UNC5D: variants seen among roughly 807,000 people sequenced by gnomAD.
UNC5D encodes netrin receptor UNC5D.
UNC5D carries 39 observed loss-of-function variants against 105.4 expected under a neutral mutation model. The ratio of observed to expected loss-of-function variants is 0.37; its 90% CI spans 0.29 to 0.48. UNC5D has a LOEUF of 0.48. Among genes scored for constraint, UNC5D ranks in the 20% least tolerant of loss-of-function variants. UNC5D has a pLI of 0.98. For synonymous variants in UNC5D, 452 were observed against 450.4 expected (o/e 1.00, Z -0.04); for missense variants, 991 against 1,202.4 (o/e 0.82, Z 2.60).
At chr8:35,498,622 AT>A (rs1811770299) in intron 1 of UNC5D, among the ~76,000 whole-genome samples, 1 of 151,986 alleles carries the variant, frequency 6.6e-6, no homozygotes, top group Non-Finnish European at 1.5e-5. Context: ...ATATGGGTAG[AT>A]TTATGTTGGT....
At chr8:35,444,958 C>A (rs917359389) in intron 1 of UNC5D, among the ~76,000 whole-genome samples, 2 of 152,024 alleles carry the variant, frequency 1.3e-5, no homozygotes, top group African/African-American at 4.8e-5. Context: ...TGTTTACTTT[C>A]AAAGTGTCTC....
chr8:35,489,174 ATTG>A (rs1432137378), intron 1 of UNC5D, among the ~76,000 whole-genome samples: 1 of 151,946 alleles, frequency 6.6e-6, no homozygotes, highest in Non-Finnish European at 1.5e-5. Flanking sequence ...ATCCCGGCTA[ATTG>A]TTGTATTTTT....
At chr8:35,319,415 G>T (rs749401446) in intron 1 of UNC5D, among the ~76,000 whole-genome samples, 1 of 152,088 alleles carries the variant, frequency 6.6e-6, no homozygotes, top group Non-Finnish European at 1.5e-5. Context: ...GCAGAAGGCT[G>T]TCTGAATCCT....
chr8:35,591,642 C>G (rs947389572), intron 3 of UNC5D, among the ~76,000 whole-genome samples: 3 of 152,068 alleles, frequency 2.0e-5, no homozygotes, highest in Non-Finnish European at 2.9e-5. Context: ...ATTTCATCCT[C>G]CCTCTGACAA....
chr8:35,560,922 G>T (rs1161132368), intron 2 of UNC5D, among the ~76,000 whole-genome samples: 1 of 152,168 alleles, frequency 6.6e-6, no homozygotes, highest in Non-Finnish European at 1.5e-5. Flanking sequence ...TGAATGAGGG[G>T]TTACAAAACC....
intron 16 of UNC5D, among the ~76,000 whole-genome samples, chr8:35,779,547 T>G (rs1802409060): frequency 6.6e-6 from 1 of 151,836 alleles, no homozygotes. Flanking sequence ...CAACCTCCAC[T>G]TCCTGAGTTC....
intron 1 of UNC5D, among the ~76,000 whole-genome samples, chr8:35,311,910 G>A (rs1808915321): frequency 6.6e-6 from 1 of 151,984 alleles, no homozygotes; most frequent in Non-Finnish European, 1.5e-5. Flanking sequence ...CGTTCCTCTG[G>A]ACTCCATATT....
chr8:35,565,311 G>T (rs1233220360), intron 2 of UNC5D, among the ~76,000 whole-genome samples: 1 of 152,098 alleles, frequency 6.6e-6, no homozygotes, highest in Non-Finnish European at 1.5e-5. Context: ...GCTTATGGTG[G>T]TTTTAATTTG....
At chr8:35,510,006 C>T (rs936886427) in intron 1 of UNC5D, among the ~76,000 whole-genome samples, 109 of 152,140 alleles carry the variant, frequency 7.2e-4, no homozygotes, top group African/African-American at 2.0e-3. Flanking sequence ...GCAGAGCTTT[C>T]GTGCCCTCTT....
chr8:35,654,091 C>T (rs1823589693), intron 4 of UNC5D, among the ~76,000 whole-genome samples: 1 of 152,088 alleles, frequency 6.6e-6, no homozygotes, highest in Non-Finnish European at 1.5e-5. Context: ...ATCTGATAAC[C>T]ACTTAAATTT....
chr8:35,571,788 T>G (rs1255507683), intron 3 of UNC5D, among the ~76,000 whole-genome samples: 1 of 152,180 alleles, frequency 6.6e-6, no homozygotes, highest in Non-Finnish European at 1.5e-5. Context: ...AAAGATTGGT[T>G]TTTGAAATAC....
intron 1 of UNC5D, among the ~76,000 whole-genome samples, chr8:35,244,373 T>C (rs1023819232): frequency 2.6e-5 from 4 of 152,120 alleles, no homozygotes; most frequent in African/African-American, 9.7e-5. Context: ...CATAGTCCAT[T>C]TGACAGGGAT....
At chr8:35,493,281 CAA>C (rs35199794) in intron 1 of UNC5D, among the ~76,000 whole-genome samples, 1,147 of 67,170 alleles carry the variant, frequency 0.017, 6 homozygotes, top group African/African-American at 0.04. Context: ...AGTCTGTGAC[CAA>C]AAAAAAAAAA....
intron 11 of UNC5D, among the ~76,000 whole-genome samples, chr8:35,734,908 C>T (rs1370723859): frequency 5.3e-5 from 8 of 151,606 alleles, no homozygotes; most frequent in African/African-American, 1.7e-4. Flanking sequence ...CTCAGCCTCC[C>T]GAGTAGCTGG....
intron 1 of UNC5D, among the ~76,000 whole-genome samples, chr8:35,257,288 C>A (rs1804152023): frequency 6.6e-6 from 1 of 152,092 alleles, no homozygotes; most frequent in Admixed American, 6.6e-5. Flanking sequence ...CTTATATTAC[C>A]TGTTTATAGA....
At chr8:35,737,252 CTGTGTGTGTGTGTGTGTGTGTG>C (rs369792188) in intron 11 of UNC5D, among the ~76,000 whole-genome samples, 13 of 119,846 alleles carry the variant, frequency 1.1e-4, no homozygotes, top group East Asian at 9.3e-4. Context: ...AAGATCTGCT[CTGTGTGTGTGTGTGTGTGTGTG>C]TGTGTGTGTG....
At chr8:35,503,378 A>C (rs1812092932) in intron 1 of UNC5D, among the ~76,000 whole-genome samples, 1 of 151,822 alleles carries the variant, frequency 6.6e-6, no homozygotes, top group South Asian at 2.1e-4. Flanking sequence ...CAAAGGGAAA[A>C]CCCCCTATAA....
At chr8:35,771,847 C>G (rs1456134802) in intron 15 of UNC5D, among the ~76,000 whole-genome samples, 1 of 152,166 alleles carries the variant, frequency 6.6e-6, no homozygotes, top group Non-Finnish European at 1.5e-5. Context: ...TGTCAGAATT[C>G]TAGTTTCACC....
chr8:35,621,011 T>C (rs1010751176), intron 4 of UNC5D, among the ~76,000 whole-genome samples: 1 of 152,298 alleles, frequency 6.6e-6, no homozygotes, highest in East Asian at 1.9e-4. Flanking sequence ...GGGTACGATG[T>C]TGAGCAACAT....
Sources: gnomAD v4.1 joint callset for allele counts (sites outside exome capture counted in the v4.1 genomes callset) on GRCh38, gnomAD v4.1.1 for gene constraint, MANE v1.5 for transcripts, NCBI Gene and HGNC (gene_info 2026-07-23, HGNC 2026-07-21) for gene names.